Variants in CSRNP3 observed in about 807,000 individuals in gnomAD.
CSRNP3 encodes the protein cysteine/serine-rich nuclear protein 3.
In CSRNP3, 12 loss-of-function variants were observed where a neutral mutation model predicts 48.0. The observed-to-expected ratio is 0.25, with a 90% CI of 0.16 to 0.41. CSRNP3 has a LOEUF of 0.41. Among genes scored for constraint, CSRNP3 ranks in the 10% least tolerant of loss-of-function variants. The probability of loss-of-function intolerance (pLI) is 1.00; values close to 1 mark genes in which losing one functional copy is unlikely to be tolerated. For synonymous variants in CSRNP3, 263 were observed against 269.7 expected (o/e 0.98, Z 0.24); for missense variants, 580 against 724.4 (o/e 0.80, Z 2.29).
rs997762949 is a variant in CSRNP3 at position 165,682,812 on chromosome 2, T to G, written c.*3059T>G. 1.3e-5 allele frequency: 2 copies of G among 152,110 alleles called. No homozygotes were observed. The highest frequency in any genetic ancestry group is 4.8e-5 in the African/African-American group (2 of 41,444). The allele number at this position is 152,110 out of a possible 1,614,324, so 9.4% of individuals were successfully genotyped here. The stretch of plus-strand genomic sequence containing the variant: ...TTTTAAAAATGGGGATCAAGCTACA[T>G]GCAGCCAGTTGGAATACTTAAGATC... On this transcript the variant is annotated 3_prime_UTR_variant, in exon 7 of 7. Transcript: ENST00000651982.
Position 165,521,472 on chromosome 2 carries a change from A to G in CSRNP3, c.-24+3511A>G, listed in dbSNP as rs114177428. On this transcript the variant is annotated intron_variant, in intron 3 of 6. Transcript: ENST00000651982. ...ATTGCCAACCCAGGAATCATTTGCA[A>G]CTCTGTACCACAAATCCAGTTCCCT... Among the ~76,000 whole-genome samples, 395 of 152,196 alleles carry G rather than the reference A, an allele frequency of 2.6e-3. 3 individuals carry two copies. Among genetic ancestry groups the G allele is most frequent in the African/African-American group, 8.5e-3 (353 of 41,526 alleles).
chr2:165,575,074 G>C (rs1685426734), intron 3 of CSRNP3, among the ~76,000 whole-genome samples: 1 of 151,908 alleles, frequency 6.6e-6, no homozygotes, highest in Admixed American at 6.6e-5. Context: ...TGAATTTAAC[G>C]TGTTCAACTT....
At chr2:165,542,847 G>A (rs573272170) in intron 3 of CSRNP3, among the ~76,000 whole-genome samples, 5 of 152,180 alleles carry the variant, frequency 3.3e-5, no homozygotes, top group South Asian at 2.1e-4. Flanking sequence ...GAATAGACAC[G>A]ATTATGTAGG....
chr2:165,594,038 A>C (rs1470478845), intron 3 of CSRNP3, among the ~76,000 whole-genome samples: 1 of 152,202 alleles, frequency 6.6e-6, no homozygotes, highest in Non-Finnish European at 1.5e-5. Flanking sequence ...TAAGATATAC[A>C]TAAATGAATT....
Position 165,687,176 on chromosome 2 carries a change from G to A in CSRNP3, c.*7423G>A, listed in dbSNP as rs1356381054. On this transcript the variant is annotated 3_prime_UTR_variant, in exon 7 of 7. Coordinates refer to ENST00000651982, the MANE Select transcript of CSRNP3 (RefSeq NM_001172173.2). ...GAAGTTGGGTTTCCCCCTACATTTG[G>A]TGATTATTACATTAATATATGATCA... 3 of 152,042 alleles carry A rather than the reference G, an allele frequency of 2.0e-5. No individual in the cohort carries two copies. Among genetic ancestry groups the A allele is most frequent in the Admixed American group, 2.0e-4 (3 of 15,248 alleles). 9.4% of individuals were successfully genotyped at this position (152,042 alleles called of 1,614,324 possible).
At chr2:165,635,120 T>G (rs1193873408) in intron 4 of CSRNP3, among the ~76,000 whole-genome samples, 1 of 152,170 alleles carries the variant, frequency 6.6e-6, no homozygotes, top group Non-Finnish European at 1.5e-5. Flanking sequence ...CTGTACACAC[T>G]GAGAAGCCCT....
intron 4 of CSRNP3, among the ~76,000 whole-genome samples, chr2:165,628,218 C>T (rs1686470961): frequency 6.6e-6 from 1 of 152,180 alleles, no homozygotes; most frequent in South Asian, 2.1e-4. Context: ...GGATAGGCTC[C>T]AGAGATTCCC....
intron 3 of CSRNP3, among the ~76,000 whole-genome samples, chr2:165,522,089 G>C (rs979382118): frequency 6.6e-6 from 1 of 152,048 alleles, no homozygotes; most frequent in African/African-American, 2.4e-5. Flanking sequence ...CCAGGAGTTT[G>C]AGACCAGCCT....
intron 2 of CSRNP3, among the ~76,000 whole-genome samples, chr2:165,502,485 T>G (rs979885304): frequency 8.5e-5 from 13 of 152,102 alleles, no homozygotes; most frequent in African/African-American, 2.9e-4. Flanking sequence ...TCCACCAATA[T>G]GATTATTGCT....
At chr2:165,627,613 A>T (rs939993810) in intron 4 of CSRNP3, among the ~76,000 whole-genome samples, 2 of 152,130 alleles carry the variant, frequency 1.3e-5, no homozygotes, top group Non-Finnish European at 2.9e-5. Context: ...CATGAGTCAT[A>T]TGCAAACCAT....
intron 1 of CSRNP3, among the ~76,000 whole-genome samples, chr2:165,474,366 A>C (rs1225409891): frequency 6.6e-6 from 1 of 152,114 alleles, no homozygotes; most frequent in Non-Finnish European, 1.5e-5. Context: ...CAGCCTCCCA[A>C]GTGGCTGGGG....
At chr2:165,582,603 A>AT (rs1415310602) in intron 3 of CSRNP3, among the ~76,000 whole-genome samples, 1 of 152,214 alleles carries the variant, frequency 6.6e-6, no homozygotes, top group Non-Finnish European at 1.5e-5. Flanking sequence ...GGTAAAAGGA[A>AT]TGTTGGCAAC....
At chr2:165,495,609 C>T (rs769412800) in intron 2 of CSRNP3, among the ~76,000 whole-genome samples, 1 of 152,046 alleles carries the variant, frequency 6.6e-6, no homozygotes, top group Non-Finnish European at 1.5e-5. Flanking sequence ...CCTTTTCCAA[C>T]AGCTCTGTGC....
intron 3 of CSRNP3, among the ~76,000 whole-genome samples, chr2:165,546,950 G>A (rs76728584): frequency 0.044 from 6,734 of 152,230 alleles, 211 homozygotes; most frequent in Non-Finnish European, 0.066. Flanking sequence ...AAGTACATTA[G>A]TAAGCATTGT....
intron 3 of CSRNP3, among the ~76,000 whole-genome samples, chr2:165,564,994 C>G (rs1210754872): frequency 6.6e-6 from 1 of 151,988 alleles, no homozygotes; most frequent in Non-Finnish European, 1.5e-5. Context: ...ATAGAGACAA[C>G]TTTAAAGCAC....
chr2:165,559,034 G>A (rs1008534180), intron 3 of CSRNP3, among the ~76,000 whole-genome samples: 6 of 152,096 alleles, frequency 3.9e-5, no homozygotes, highest in African/African-American at 1.4e-4. Context: ...AGACTAGAGG[G>A]CAGCATAGGC....
At chr2:165,555,650 G>T (rs949360808) in intron 3 of CSRNP3, among the ~76,000 whole-genome samples, 1 of 152,168 alleles carries the variant, frequency 6.6e-6, no homozygotes, top group African/African-American at 2.4e-5. Flanking sequence ...GGTTACATAG[G>T]TGAGAAGGAC....
chr2:165,624,419 G>A (rs953875431), intron 4 of CSRNP3, among the ~76,000 whole-genome samples: 21 of 152,118 alleles, frequency 1.4e-4, no homozygotes, highest in Admixed American at 4.6e-4. Context: ...ATTCTCTTAA[G>A]TCACTCTTTT....
chr2:165,503,234 C>A lies in CSRNP3; in HGVS notation c.-113+8306C>A, dbSNP rs527873952. On this transcript the variant is annotated intron_variant, in intron 2 of 6. Coordinates refer to ENST00000651982, the MANE Select transcript of CSRNP3 (RefSeq NM_001172173.2). ...CATAAATTTCTATATGTATTTAAAT[C>A]TTTAGTCCATTTGAAAATTTTATTG... Among the ~76,000 whole-genome samples, 10 of 151,952 alleles carry A rather than the reference C, an allele frequency of 6.6e-5. No individual in the cohort carries two copies. In the East Asian group the frequency reaches 1.5e-3, roughly 23 times the overall value.
Sources: allele counts gnomAD v4.1 joint callset (sites outside exome capture counted in the v4.1 genomes callset), GRCh38; gene constraint gnomAD v4.1.1; transcripts MANE v1.5; gene names NCBI Gene and HGNC (gene_info 2026-07-23, HGNC 2026-07-21).